The following TMEM39A variants were observed in gnomAD, a reference collection of about 807,000 sequenced individuals.
The protein encoded by TMEM39A is suppressor of SQST-1 aggregates in rpl-43 mutants.
In TMEM39A, 19 loss-of-function variants were observed where a neutral mutation model predicts 51.9. The observed-to-expected ratio is 0.37, with a 90% CI of 0.26 to 0.54. The LOEUF (loss-of-function observed/expected upper bound fraction) is 0.54, where lower values mean the gene tolerates loss of function less well. Ranked by LOEUF, TMEM39A falls within the 20% of genes least tolerant of loss-of-function variation. TMEM39A has a pLI of 0.88. For synonymous variants in TMEM39A, 197 were observed against 220.2 expected (o/e 0.89, Z 0.93); for missense variants, 433 against 590.5 (o/e 0.73, Z 2.76).
Position 119,452,371 on chromosome 3 carries a change from T to C in TMEM39A, c.420+76A>G, listed in dbSNP as rs927458742. Reference sequence around the variant, plus strand: ...TATTGTTTCATTAAATGGGGACACGTCACGTTTTTAACCTGCACCCATTCT... The same window carrying C: ...TATTGTTTCATTAAATGGGGACACGCCACGTTTTTAACCTGCACCCATTCT... On this transcript the variant is annotated intron_variant, in intron 4 of 8. Transcript: ENST00000319172. 34 of 1,058,624 alleles carry C rather than the reference T, an allele frequency of 3.2e-5. No individual in the cohort carries two copies. In the African/African-American group the frequency reaches 5.3e-4, roughly 16 times the overall value. 65.6% of individuals were successfully genotyped at this position (1,058,624 alleles called of 1,614,324 possible). A position where few individuals can be genotyped will look rare whatever the true frequency, so the allele number is the denominator to read the frequency against.
intron 3 of TMEM39A, among the ~76,000 whole-genome samples, chr3:119,456,055 G>A (rs187051428): frequency 1.7e-3 from 265 of 152,106 alleles, no homozygotes; most frequent in East Asian, 4.6e-3. Context: ...GTCATATAAC[G>A]GTACCAACCC....
chr3:119,446,928 A>C, intron 5 of TMEM39A, 90 bp downstream of exon 5: 1 of 1,368,628 alleles, frequency 7.3e-7, no homozygotes. Context: ...TATTTGAAGA[A>C]TTTCATTTTT....
chr3:119,438,647 G>A (rs956650299), intron 5 of TMEM39A, among the ~76,000 whole-genome samples: 3 of 151,910 alleles, frequency 2.0e-5, no homozygotes, highest in Non-Finnish European at 2.9e-5. Flanking sequence ...CTCTCTTGTT[G>A]GAAACAGGCT....
intron 3 of TMEM39A, among the ~76,000 whole-genome samples, chr3:119,456,899 C>T (rs2081272319): frequency 6.6e-6 from 1 of 152,244 alleles, no homozygotes; most frequent in Admixed American, 6.5e-5. Context: ...AGCCACCATG[C>T]CCAGGCCTTA....
chr3:119,449,587 T>C (rs2081171852), intron 4 of TMEM39A, among the ~76,000 whole-genome samples: 1 of 152,062 alleles, frequency 6.6e-6, no homozygotes, highest in African/African-American at 2.4e-5. Flanking sequence ...GATCATGCCA[T>C]TTACAGCCTG....
At chr3:119,459,221 A>G (rs1005998690) in intron 2 of TMEM39A, among the ~76,000 whole-genome samples, 2 of 152,260 alleles carry the variant, frequency 1.3e-5, no homozygotes, top group South Asian at 4.1e-4. Context: ...CTAAATAACT[A>G]GAGTGGCTCA....
Position 119,430,728 on chromosome 3 carries a change from C to T in TMEM39A, c.*1253G>A, listed in dbSNP as rs568060685. 1.3e-5 allele frequency: 2 copies of T among 152,108 alleles called. No homozygotes were observed. The highest frequency in any genetic ancestry group is 2.9e-5 in the Non-Finnish European group (2 of 67,988). The allele number at this position is 152,108 out of a possible 1,614,324, so 9.4% of individuals were successfully genotyped here. A position where few individuals can be genotyped will look rare whatever the true frequency, so the allele number is the denominator to read the frequency against. On this transcript the variant is annotated 3_prime_UTR_variant, in exon 9 of 9. Transcript: ENST00000319172. ...CTCACAATACTTCCCCTTGGTGAAGCCTTTCAGGAACTCTTCTGCAAGAAT... is the reference window on the plus strand; with the variant it reads ...CTCACAATACTTCCCCTTGGTGAAGTCTTTCAGGAACTCTTCTGCAAGAAT...
intron 5 of TMEM39A, among the ~76,000 whole-genome samples, chr3:119,444,637 T>A (rs1175627991): frequency 2.0e-5 from 3 of 152,184 alleles, no homozygotes; most frequent in Non-Finnish European, 2.9e-5. Flanking sequence ...CCATAAATAA[T>A]ATAAAGCAGT....
intron 2 of TMEM39A, among the ~76,000 whole-genome samples, 183 bp downstream of exon 2, chr3:119,461,779 T>C (rs1192410050): frequency 6.6e-6 from 1 of 152,218 alleles, no homozygotes; most frequent in Non-Finnish European, 1.5e-5. Flanking sequence ...GTGGGCCCCA[T>C]TTCACATCTT....
intron 5 of TMEM39A, among the ~76,000 whole-genome samples, chr3:119,441,099 C>T (rs1334017543): frequency 6.6e-6 from 1 of 152,104 alleles, no homozygotes; most frequent in Non-Finnish European, 1.5e-5. Flanking sequence ...ATGAGCCATT[C>T]CCCCATCTCT....
chr3:119,432,419 A>C (rs1384500508), intron 8 of TMEM39A, among the ~76,000 whole-genome samples: 1 of 152,128 alleles, frequency 6.6e-6, no homozygotes, highest in Non-Finnish European at 1.5e-5. Flanking sequence ...ATAATGAAAT[A>C]ATTTTTATTT....
At chr3:119,446,398 C>T (rs564768722) in intron 5 of TMEM39A, among the ~76,000 whole-genome samples, 4 of 152,170 alleles carry the variant, frequency 2.6e-5, no homozygotes, top group East Asian at 1.9e-4. Flanking sequence ...GTAGCATGCA[C>T]GGCACAGACA....
Position 119,434,836 on chromosome 3 carries a change from T to C in TMEM39A, c.1159A>G (p.Ser387Gly). ...CCCATGGCTCTATATAAACATCTGC[T>C]GTGCCGCACCAGCACCCCTTGAGGC... The part of the protein sequence containing the change: ...IWPQGVLVRH[S>G]RCLYRAMGPY... The change falls in exon 8 of 9, where the codon AGC (serine) becomes GGC (glycine). Residue 387 changes from serine (S) to glycine (G), a missense_variant. Transcript: ENST00000319172. 6.2e-7 allele frequency: 1 copy of C among 1,613,796 alleles called. No individual in the cohort carries two copies. Among genetic ancestry groups the C allele is most frequent in the East Asian group, 2.2e-5 (1 of 44,886 alleles).
intron 3 of TMEM39A, among the ~76,000 whole-genome samples, chr3:119,456,250 A>G (rs1221296729): frequency 6.6e-6 from 1 of 152,204 alleles, no homozygotes; most frequent in African/African-American, 2.4e-5. Flanking sequence ...GGATGAATGA[A>G]GTACAGTTCC....
intron 4 of TMEM39A, among the ~76,000 whole-genome samples, chr3:119,451,912 C>T (rs187805808): frequency 6.7e-6 from 1 of 149,542 alleles, no homozygotes; most frequent in African/African-American, 2.5e-5. Flanking sequence ...TTAAAAAGAT[C>T]ATTTAATGTT....
rs2081288916 is a variant in TMEM39A at position 119,458,028 on chromosome 3, C to G, written c.326G>C (p.Cys109Ser). 1 of 1,613,382 alleles carries G rather than the reference C, an allele frequency of 6.2e-7. No homozygotes were observed. Among genetic ancestry groups the G allele is most frequent in the Non-Finnish European group, 8.5e-7 (1 of 1,179,466 alleles). Residue 109 changes from cysteine to serine, a missense_variant, in exon 3 of 9, where the codon TGT becomes TCT. Around this residue, in one of 3 missense-constraint regions of TMEM39A, gnomAD observed 170 missense variants for 239.8 expected, o/e 0.71. Transcript: ENST00000319172. ...CTGAGTAAGACTTACCAGTGATGTACAAGAAGCAGGATGATTGTAAGGATA... is the reference window on the plus strand; with the variant it reads ...CTGAGTAAGACTTACCAGTGATGTAGAAGAAGCAGGATGATTGTAAGGATA... ...WWYPYNHPAS[C>S]TSLNFHLIDY...
At chr3:119,460,707 G>A (rs2081325829) in intron 2 of TMEM39A, among the ~76,000 whole-genome samples, 1 of 152,150 alleles carries the variant, frequency 6.6e-6, no homozygotes, top group Non-Finnish European at 1.5e-5. Context: ...CAAAGTCAAA[G>A]AGAACGAACA....
At position 119,432,197 on chromosome 3, in the gene TMEM39A, T is replaced by C. The variant is rs1197103446; in HGVS notation, c.1251A>G (p.Pro417=). The change falls in exon 9 of 9, where the codon CCA becomes CCG. Residue 417 remains proline, a synonymous_variant. Coordinates refer to ENST00000319172, the MANE Select transcript of TMEM39A (RefSeq NM_018266.3). ...GGATGAGCAGATTTAACAGCCTTAA[T>C]GGTCGATGAAATAAGAACTGTAAGG... is the stretch of plus-strand genomic sequence containing the variant. The part of the protein sequence containing the change: ...HARFYFLFHR[P]LRLLNLLILI... 6.2e-7 allele frequency: 1 copy of C among 1,611,474 alleles called. No homozygotes were observed.
intron 5 of TMEM39A, among the ~76,000 whole-genome samples, chr3:119,443,063 C>CAAAAA (rs56263355): frequency 5.7e-5 from 3 of 53,086 alleles, no homozygotes; most frequent in East Asian, 5.2e-4. Flanking sequence ...GACCCTGTCT[C>CAAAAA]AAAAAAAAAA....
Sources: allele counts gnomAD v4.1 joint callset (sites outside exome capture counted in the v4.1 genomes callset), GRCh38; gene constraint gnomAD v4.1.1; regional missense constraint gnomAD v4.1.1; transcripts MANE v1.5; gene names NCBI Gene and HGNC (gene_info 2026-07-23, HGNC 2026-07-21).